Variants in RIN2 observed in about 807,000 individuals in gnomAD.
RIN2 encodes the protein RAB5 interacting protein 2.
Under a neutral mutation model 78.0 loss-of-function variants are expected in RIN2, and 36 were observed. The ratio of observed to expected loss-of-function variants is 0.46; its 90% confidence interval spans 0.35 to 0.61. The LOEUF (loss-of-function observed/expected upper bound fraction) is 0.61. Ranked by LOEUF, RIN2 falls within the 20% of genes least tolerant of loss-of-function variation. The pLI is 0.00. For missense variants in RIN2, 1,087 were observed against 1,159.7 expected (o/e 0.94, Z 0.91); for synonymous variants, 466 against 466.8 (o/e 1.00, Z 0.02).
At chr20:19,818,031 G>T (rs2122869922) in intron 2 of RIN2, among the ~76,000 whole-genome samples, 1 of 152,198 alleles carries the variant, frequency 6.6e-6, no homozygotes, top group South Asian at 2.1e-4. Flanking sequence ...ACACAAAAAT[G>T]GTAGAGCCCA....
At chr20:19,787,215 G>A (rs1316409335) in intron 1 of RIN2, among the ~76,000 whole-genome samples, 1 of 152,058 alleles carries the variant, frequency 6.6e-6, no homozygotes, top group African/African-American at 2.4e-5. Flanking sequence ...AAGGTCAGGA[G>A]TTCGAGACCA....
Position 19,966,408 on chromosome 20 carries a change from C to T in RIN2, c.536+1384C>T, listed in dbSNP as rs781564349. On this transcript the variant is annotated intron_variant, in intron 7 of 12. Coordinates refer to ENST00000255006, the MANE Select transcript of RIN2 (RefSeq NM_018993.4). Reference sequence around the variant, plus strand: ...CGTGATCTCGGCTCACTGCAACCTCCACCTCCTTGGGTTCAAGCAATTCTC... The same window carrying T: ...CGTGATCTCGGCTCACTGCAACCTCTACCTCCTTGGGTTCAAGCAATTCTC... 6.3e-4 allele frequency among the ~76,000 whole-genome samples: 96 copies of T among 151,820 alleles called. 1 individual carries two copies. Among genetic ancestry groups the T allele is most frequent in the Non-Finnish European group, 5.7e-4 (39 of 67,950 alleles).
At chr20:19,904,929 A>G (rs189279095) in intron 3 of RIN2, among the ~76,000 whole-genome samples, 12 of 152,288 alleles carry the variant, frequency 7.9e-5, no homozygotes, top group Admixed American at 4.6e-4. Flanking sequence ...TTCTTTCTCT[A>G]CACTTGCTTC....
In RIN2 at chr20:19,826,336, A is replaced by G. The variant is rs1163856238; in HGVS notation, c.-37+26589A>G. ...TTGTGCTAAGAAGTGCTTTTTCATG[A>G]ACTATTTCATTCAATACCCATTTTA... is the stretch of plus-strand genomic sequence containing the variant. On this transcript the variant is annotated intron_variant, in intron 2 of 12. Coordinates refer to ENST00000255006, the MANE Select transcript of RIN2 (RefSeq NM_018993.4). 2.6e-5 allele frequency among the ~76,000 whole-genome samples: 4 copies of G among 152,278 alleles called. No homozygotes were observed. In the East Asian group the frequency reaches 7.7e-4, roughly 29 times the overall value.
chr20:19,848,289 C>G (rs2036848297), intron 2 of RIN2, among the ~76,000 whole-genome samples: 1 of 151,926 alleles, frequency 6.6e-6, no homozygotes, highest in Non-Finnish European at 1.5e-5. Context: ...AATCCCAGCA[C>G]TTTGGGAGGC....
At chr20:19,814,799 C>T (rs541737916) in intron 2 of RIN2, among the ~76,000 whole-genome samples, 1 of 151,918 alleles carries the variant, frequency 6.6e-6, no homozygotes, top group East Asian at 1.9e-4. Flanking sequence ...ATATGTTGCC[C>T]AGTCTGGCTT....
chr20:19,758,779 G>C (rs2033495689), intron 1 of RIN2, among the ~76,000 whole-genome samples: 1 of 152,176 alleles, frequency 6.6e-6, no homozygotes, highest in African/African-American at 2.4e-5. Flanking sequence ...TGCTCCCTGC[G>C]CCTGAGCGCG....
intron 3 of RIN2, among the ~76,000 whole-genome samples, chr20:19,893,291 C>A (rs1600716468): frequency 6.6e-6 from 1 of 152,304 alleles, no homozygotes; most frequent in East Asian, 1.9e-4. Flanking sequence ...TGATGCCATA[C>A]AATTGGAGAG....
At chr20:19,768,099 C>T (rs1179491594) in intron 1 of RIN2, among the ~76,000 whole-genome samples, 2 of 151,956 alleles carry the variant, frequency 1.3e-5, no homozygotes, top group East Asian at 1.9e-4. Context: ...CTGTGTGTCA[C>T]GATGGAGAAA....
intron 1 of RIN2, among the ~76,000 whole-genome samples, chr20:19,762,692 T>C (rs909321205): frequency 2.6e-5 from 4 of 152,166 alleles, no homozygotes; most frequent in Non-Finnish European, 4.4e-5. Context: ...TGTGTGAGCA[T>C]GCACATGTCA....
At chr20:19,912,301 C>T (rs556873202) in intron 3 of RIN2, among the ~76,000 whole-genome samples, 1 of 152,152 alleles carries the variant, frequency 6.6e-6, no homozygotes, top group East Asian at 1.9e-4. Context: ...ACTGTGCTCT[C>T]ACCACCCCAG....
At chr20:19,957,833 G>A (rs189565630) in intron 5 of RIN2, among the ~76,000 whole-genome samples, 141 of 152,258 alleles carry the variant, frequency 9.3e-4, no homozygotes, top group African/African-American at 3.2e-3. Flanking sequence ...CTCTGGCCTC[G>A]GCTGGCTGCC....
chr20:19,841,558 T>C (rs180723966), intron 2 of RIN2, among the ~76,000 whole-genome samples: 1 of 152,238 alleles, frequency 6.6e-6, no homozygotes, highest in African/African-American at 2.4e-5. Context: ...ATCCACACTG[T>C]AAAGGGGCTT....
chr20:19,946,120 C>T (rs562091703), intron 4 of RIN2, among the ~76,000 whole-genome samples: 1 of 152,306 alleles, frequency 6.6e-6, no homozygotes, highest in South Asian at 2.1e-4. Context: ...ATGCCTAAAG[C>T]AGACCTTTTA....
At chr20:19,852,599 C>T (rs1463979207) in intron 2 of RIN2, among the ~76,000 whole-genome samples, 1 of 152,138 alleles carries the variant, frequency 6.6e-6, no homozygotes, top group Non-Finnish European at 1.5e-5. Flanking sequence ...AAAACACCTG[C>T]CAAAGGGATA....
chr20:19,829,929 C>G (rs1251778784), intron 2 of RIN2, among the ~76,000 whole-genome samples: 1 of 152,216 alleles, frequency 6.6e-6, no homozygotes, highest in Admixed American at 6.5e-5. Flanking sequence ...GGGAGCCCAT[C>G]TGCGTGGTAG....
At chr20:19,935,343 G>C in intron 4 of RIN2, 144 bp downstream of exon 4, 1 of 1,240,864 alleles carries the variant, frequency 8.1e-7, no homozygotes, top group Non-Finnish European at 1.1e-6. Flanking sequence ...CTCTGTAGGA[G>C]GTGGGAGTGG....
In RIN2 at chr20:19,887,026, CT is replaced by C. The variant is rs377364690; in HGVS notation, c.-36-2528del. On this transcript the variant is annotated intron_variant, in intron 2 of 12. Transcript: ENST00000255006. ...AGAACTCTTTTGGGGCCCTGAAGAA[CT>C]TTTTTTTTTTTCTTTCGAGACAGAG... is the stretch of plus-strand genomic sequence containing the variant. Among the ~76,000 whole-genome samples, 2,427 of 146,450 alleles carry C rather than the reference CT, an allele frequency of 0.017. 61 individuals carry two copies. Among genetic ancestry groups the C allele is most frequent in the African/African-American group, 0.055 (2,229 of 40,312 alleles).
intron 1 of RIN2, among the ~76,000 whole-genome samples, chr20:19,768,922 C>CTTTTTTT (rs778608472): frequency 1.5e-5 from 2 of 135,836 alleles, no homozygotes; most frequent in African/African-American, 5.5e-5. Context: ...CTTTCTGTTT[C>CTTTTTTT]TTTTTTTTTT....
Sources: allele counts gnomAD v4.1 joint callset (sites outside exome capture counted in the v4.1 genomes callset), GRCh38; gene constraint gnomAD v4.1.1; transcripts MANE v1.5; gene names NCBI Gene and HGNC (gene_info 2026-07-23, HGNC 2026-07-21).